The following RAPGEF2 variants were observed in gnomAD, a reference collection of about 807,000 sequenced individuals.
RAPGEF2 encodes Rap guanine nucleotide exchange factor 2.
A neutral mutation model predicts 186.7 loss-of-function variants in RAPGEF2; 54 were observed. The observed-to-expected ratio is 0.29, with a 90% CI of 0.23 to 0.36. RAPGEF2 has a LOEUF of 0.36. RAPGEF2 is among the 10% of genes least tolerant of loss of function. The probability of loss-of-function intolerance (pLI) is 1.00; values close to 1 mark genes in which losing one functional copy is unlikely to be tolerated. For missense variants in RAPGEF2, 1,532 were observed against 2,045.0 expected (o/e 0.75, Z 4.84); for synonymous variants, 712 against 705.9 (o/e 1.01, Z -0.14).
chr4:159,141,388 C>T (rs1300164774), intron 1 of RAPGEF2, among the ~76,000 whole-genome samples: 3 of 152,128 alleles, frequency 2.0e-5, no homozygotes, highest in Admixed American at 2.0e-4. Context: ...GCACAGTATT[C>T]CCCTGGATAC....
intron 4 of RAPGEF2, among the ~76,000 whole-genome samples, chr4:159,216,027 T>C (rs1750963838): frequency 1.3e-5 from 2 of 152,180 alleles, no homozygotes; most frequent in South Asian, 4.1e-4. Context: ...GTACTGGCAG[T>C]GGGAACTGCT....
chr4:159,264,105 T>G (rs1757175828), intron 7 of RAPGEF2, among the ~76,000 whole-genome samples: 1 of 152,214 alleles, frequency 6.6e-6, no homozygotes, highest in Non-Finnish European at 1.5e-5. Context: ...ATCTATAATA[T>G]GGGTTTCTCC....
intron 7 of RAPGEF2, among the ~76,000 whole-genome samples, chr4:159,250,858 G>A (rs1755250840): frequency 6.6e-6 from 1 of 152,092 alleles, no homozygotes; most frequent in Non-Finnish European, 1.5e-5. Flanking sequence ...ACTGCGCTAT[G>A]GGGGCCCCTC....
At position 159,356,139 on chromosome 4, in the gene RAPGEF2, G is replaced by C. The variant is rs1430959975; in HGVS notation, c.4938G>C (p.Gly1646=). ...GCCTCGCCCCCTATCAGTCCCAAGG[G>C]TTTTCCACCGAGGAGGATGGTATAT... ...DPRLAPYQSQ[G]FSTEEDEDEQ... The change falls in exon 29 of 30, where the codon GGG becomes GGC. Residue 1646 remains glycine (G), a synonymous_variant. Transcript: ENST00000691494. The C allele has an allele frequency of 6.2e-7, 1 of 1,613,856 alleles. No homozygotes were observed. The highest frequency in any genetic ancestry group is 8.5e-7 in the Non-Finnish European group (1 of 1,179,800).
At chr4:159,237,520 C>G (rs188032668) in intron 4 of RAPGEF2, among the ~76,000 whole-genome samples, 2 of 152,060 alleles carry the variant, frequency 1.3e-5, no homozygotes, top group Admixed American at 6.6e-5. Context: ...CTTCCTCTTA[C>G]GTGACTTGGC....
rs183211806 is a variant in RAPGEF2 at position 159,319,869 on chromosome 4, C to T, written c.854-2478C>T. Among the ~76,000 whole-genome samples, 4 of 152,002 alleles carry T rather than the reference C, an allele frequency of 2.6e-5. No individual in the cohort carries two copies. The East Asian group carries it at 7.8e-4, about 30-fold the overall frequency. On this transcript the variant is annotated intron_variant, in intron 9 of 29. Transcript: ENST00000691494. ...CCAAAAAGCACGCAATATGTCTACA[C>T]GAAGCACTTTAAAATTATTACAACA...
intron 1 of RAPGEF2, among the ~76,000 whole-genome samples, chr4:159,116,612 A>G (rs1739079526): frequency 6.6e-6 from 1 of 152,250 alleles, no homozygotes; most frequent in South Asian, 2.1e-4. Context: ...ATGGAAGCAT[A>G]TGTTCATTGC....
rs1729348350 is a variant in RAPGEF2 at position 159,340,778 on chromosome 4, A to T, written c.2535-786A>T. Among the ~76,000 whole-genome samples, 16 of 58,254 alleles carry T rather than the reference A, an allele frequency of 2.7e-4. 2 individuals are homozygous for T. In the South Asian group the frequency reaches 0.011, roughly 40 times the overall value. The allele number at this position is 58,254 out of a possible 152,430, so 38.2% of individuals were successfully genotyped here. On this transcript the variant is annotated intron_variant, in intron 19 of 29. Coordinates refer to ENST00000691494, the MANE Select transcript of RAPGEF2 (RefSeq NM_001394067.2). ...CAAAACAAAAAATACCACCACCATC[A>T]CCACACACACACACACACACACACA...
intron 1 of RAPGEF2, among the ~76,000 whole-genome samples, chr4:159,138,556 T>C (rs576937895): frequency 6.6e-6 from 1 of 152,308 alleles, no homozygotes; most frequent in African/African-American, 2.4e-5. Context: ...CTTGAGTAAA[T>C]AGATGGTACT....
chr4:159,111,533 T>A (rs910181664), intron 1 of RAPGEF2, among the ~76,000 whole-genome samples: 6 of 152,186 alleles, frequency 3.9e-5, no homozygotes, highest in Non-Finnish European at 8.8e-5. Flanking sequence ...TCACCCAACA[T>A]AAAAACGGAG....
chr4:159,145,008 C>G (rs1742784097), intron 1 of RAPGEF2, among the ~76,000 whole-genome samples: 1 of 150,608 alleles, frequency 6.6e-6, no homozygotes, highest in African/African-American at 2.4e-5. Context: ...CCCACCTCAG[C>G]CTCCCAAGAA....
intron 7 of RAPGEF2, 120 bp downstream of exon 7, chr4:159,243,911 C>T (rs548452231): frequency 1.7e-5 from 13 of 744,412 alleles, no homozygotes; most frequent in Admixed American, 1.4e-4. Flanking sequence ...CTGTATTTTG[C>T]CCTAATTTAC....
intron 7 of RAPGEF2, among the ~76,000 whole-genome samples, chr4:159,258,262 G>T (rs1756417057): frequency 6.6e-6 from 1 of 152,028 alleles, no homozygotes; most frequent in African/African-American, 2.4e-5. Context: ...TGTTTTGTTT[G>T]TTTATTCATT....
rs1553991869 is a variant in RAPGEF2, at chr4:159,104,553, A to AGAGTGT, written c.69+323_69+324insAGTGTG. Reference sequence around the variant, plus strand: ...GAGAGACAGAGAGAGAGAGAGAGAGAGTGTGTGTGTGTGTGTGTATGTGTG... The same window carrying AGAGTGT: ...GAGAGACAGAGAGAGAGAGAGAGAGAGAGTGTGTGTGTGTGTGTGTGTGTATGTGTG... On this transcript the variant is annotated intron_variant, in intron 1 of 29. Transcript: ENST00000691494. Among the ~76,000 whole-genome samples the AGAGTGT allele has an allele frequency of 4.9e-4, 67 of 136,112 alleles. 1 individual carries two copies. Among genetic ancestry groups the AGAGTGT allele is most frequent in the Non-Finnish European group, 5.7e-4 (37 of 64,400 alleles). 89.3% of individuals were successfully genotyped at this position (136,112 alleles called of 152,430 possible). A position where few individuals can be genotyped will look rare whatever the true frequency, so the allele number is the denominator to read the frequency against.
At chr4:159,200,770 T>G (rs961222170) in intron 3 of RAPGEF2, among the ~76,000 whole-genome samples, 1 of 152,144 alleles carries the variant, frequency 6.6e-6, no homozygotes, top group Non-Finnish European at 1.5e-5. Context: ...GTGTTTTCTT[T>G]CTTCAGAGTT....
intron 5 of RAPGEF2, among the ~76,000 whole-genome samples, chr4:159,239,842 C>T (rs190696249): frequency 8.9e-4 from 135 of 152,252 alleles, no homozygotes; most frequent in South Asian, 6.6e-3. Context: ...CTTTTATTCA[C>T]ATTTAGTAAA....
At chr4:159,232,379 G>C (rs1752745658) in intron 4 of RAPGEF2, among the ~76,000 whole-genome samples, 1 of 152,186 alleles carries the variant, frequency 6.6e-6, no homozygotes, top group African/African-American at 2.4e-5. Flanking sequence ...GGAATCATAT[G>C]ATATTTGTAC....
intron 5 of RAPGEF2, among the ~76,000 whole-genome samples, chr4:159,239,408 C>A (rs1448439584): frequency 6.6e-6 from 1 of 152,062 alleles, no homozygotes; most frequent in Non-Finnish European, 1.5e-5. Context: ...TTTTAAACAA[C>A]ACTATTTTAA....
intron 26 of RAPGEF2, 75 bp downstream of exon 26, chr4:159,350,364 T>A (rs1021950364): frequency 1.6e-6 from 2 of 1,233,034 alleles, no homozygotes; most frequent in Non-Finnish European, 2.2e-6. Flanking sequence ...CAGAGTAATG[T>A]ATTACATAAT....
Sources: allele counts gnomAD v4.1 joint callset (sites outside exome capture counted in the v4.1 genomes callset), GRCh38; gene constraint gnomAD v4.1.1; transcripts MANE v1.5; gene names NCBI Gene and HGNC (gene_info 2026-07-23, HGNC 2026-07-21).